NEK11: variants seen among roughly 807,000 people sequenced by gnomAD.
The protein encoded by NEK11 is NIMA related kinase 11, also known as serine/threonine-protein kinase Nek11.
A neutral mutation model predicts 80.7 loss-of-function variants in NEK11; 72 were observed. That is an observed-to-expected ratio of 0.89 (90% CI 0.74 to 1.08). The LOEUF is 1.08. Among genes scored for constraint, NEK11 ranks in the 50% least tolerant of loss-of-function variants. NEK11 has a pLI of 0.00. For synonymous variants in NEK11, 251 were observed against 260.7 expected, an observed-to-expected ratio of 0.96 and a Z score of 0.36; for missense variants, 764 against 763.6, an observed-to-expected ratio of 1.00 and a Z score of -0.01.
intron 17 of NEK11, among the ~76,000 whole-genome samples, chr3:131,347,914 T>C (rs1039873717): frequency 1.4e-5 from 2 of 145,582 alleles, no homozygotes; most frequent in Non-Finnish European, 3.0e-5. Context: ...AGAGACTTCA[T>C]CTCCAAAAAA....
At chr3:131,180,438 C>T (rs1307486790) in intron 14 of NEK11, among the ~76,000 whole-genome samples, 1 of 152,206 alleles carries the variant, frequency 6.6e-6, no homozygotes, top group Admixed American at 6.5e-5. Context: ...AATATATTGA[C>T]TTGTACCAAA....
intron 3 of NEK11, among the ~76,000 whole-genome samples, chr3:131,063,358 C>T (rs543291938): frequency 2.6e-5 from 4 of 152,276 alleles, no homozygotes; most frequent in African/African-American, 9.6e-5. Flanking sequence ...AACCCAAGCC[C>T]CTTACTCTGT....
At chr3:131,110,948 A>G (rs1388934991) in intron 5 of NEK11, among the ~76,000 whole-genome samples, 2 of 152,168 alleles carry the variant, frequency 1.3e-5, no homozygotes, top group South Asian at 2.1e-4. Context: ...TTAAAAGATT[A>G]TTTGACTTAA....
intron 14 of NEK11, among the ~76,000 whole-genome samples, chr3:131,176,565 A>T (rs911046833): frequency 6.6e-6 from 1 of 152,184 alleles, no homozygotes; most frequent in African/African-American, 2.4e-5. Flanking sequence ...AGATGTGCTG[A>T]TTCTCCACCC....
At chr3:131,265,301 A>G (rs2096026636) in intron 16 of NEK11, among the ~76,000 whole-genome samples, 1 of 152,310 alleles carries the variant, frequency 6.6e-6, no homozygotes, top group South Asian at 2.1e-4. Flanking sequence ...CCAGTTTTCA[A>G]AGGGAATGCT....
chr3:131,173,689 G>GT (rs1339280291), intron 14 of NEK11, among the ~76,000 whole-genome samples: 7 of 151,932 alleles, frequency 4.6e-5, no homozygotes, highest in African/African-American at 1.5e-4. Context: ...TCTTTGTCAT[G>GT]TGTCTCTTTG....
intron 17 of NEK11, among the ~76,000 whole-genome samples, chr3:131,308,258 T>C (rs1049252750): frequency 6.6e-6 from 1 of 152,340 alleles, no homozygotes; most frequent in Admixed American, 6.5e-5. Flanking sequence ...CATCAGTCTT[T>C]AGTAAGGGGT....
intron 14 of NEK11, among the ~76,000 whole-genome samples, chr3:131,208,872 G>T (rs1203396983): frequency 6.6e-6 from 1 of 152,144 alleles, no homozygotes; most frequent in Admixed American, 6.6e-5. Context: ...GGGCTGAGAC[G>T]ATGGGGTTTT....
At chr3:131,334,764 C>T (rs1348510954) in intron 17 of NEK11, among the ~76,000 whole-genome samples, 1 of 152,100 alleles carries the variant, frequency 6.6e-6, no homozygotes, top group African/African-American at 2.4e-5. Context: ...CAAATAGACA[C>T]AATACAAAAT....
At chr3:131,075,797 C>G (rs1340423504) in intron 3 of NEK11, among the ~76,000 whole-genome samples, 1 of 152,128 alleles carries the variant, frequency 6.6e-6, no homozygotes, top group African/African-American at 2.4e-5. Flanking sequence ...TTGCACTGAT[C>G]AGGACTCCCA....
intron 5 of NEK11, among the ~76,000 whole-genome samples, chr3:131,132,386 A>G (rs1487275612): frequency 6.6e-6 from 1 of 152,068 alleles, no homozygotes; most frequent in Non-Finnish European, 1.5e-5. Context: ...AAACTTGGAC[A>G]TTTGGGTAAT....
intron 17 of NEK11, among the ~76,000 whole-genome samples, chr3:131,307,511 C>G (rs890318233): frequency 6.6e-6 from 1 of 152,122 alleles, no homozygotes; most frequent in African/African-American, 2.4e-5. Context: ...TATTTAATCC[C>G]CTTTTACATA....
At chr3:131,081,601 G>A (rs759861205) in intron 4 of NEK11, among the ~76,000 whole-genome samples, 144 of 152,280 alleles carry the variant, frequency 9.5e-4, no homozygotes, top group African/African-American at 3.2e-3. Context: ...AGATGACTAC[G>A]CTCAAAAAGT....
chr3:131,121,023 C>T (rs1560505738), intron 5 of NEK11, among the ~76,000 whole-genome samples: 2 of 152,228 alleles, frequency 1.3e-5, no homozygotes, highest in Non-Finnish European at 2.9e-5. Context: ...TGTTCCGTTG[C>T]TAGCGAGGAG....
chr3:131,151,873 C>T lies in NEK11; in HGVS notation c.648-515C>T, dbSNP rs114207817. Among the ~76,000 whole-genome samples, 729 of 152,206 alleles carry T rather than the reference C, an allele frequency of 4.8e-3. 10 individuals carry two copies. The highest frequency in any genetic ancestry group is 0.016 in the African/African-American group (685 of 41,548). On this transcript the variant is annotated intron_variant, in intron 7 of 17. Coordinates refer to ENST00000383366, the MANE Select transcript of NEK11 (RefSeq NM_024800.5). ...TTAATGTGGGCTTCAAGTAGCTGCTCTTCCACTCCACTTGCAAATGGATTA... is the reference window on the plus strand; with the variant it reads ...TTAATGTGGGCTTCAAGTAGCTGCTTTTCCACTCCACTTGCAAATGGATTA...
chr3:131,217,035 G>A (rs1316648649), intron 14 of NEK11, among the ~76,000 whole-genome samples: 1 of 152,094 alleles, frequency 6.6e-6, no homozygotes, highest in African/African-American at 2.4e-5. Context: ...CCCTCTCTAT[G>A]ACTTCTGAGC....
At chr3:131,289,338 A>G (rs2096518329) in intron 17 of NEK11, among the ~76,000 whole-genome samples, 1 of 152,234 alleles carries the variant, frequency 6.6e-6, no homozygotes, top group Non-Finnish European at 1.5e-5. Context: ...CCTGGTCTAC[A>G]AATATACAAA....
At chr3:131,037,955 A>G (rs1487111665) in intron 3 of NEK11, among the ~76,000 whole-genome samples, 1 of 152,142 alleles carries the variant, frequency 6.6e-6, no homozygotes, top group African/African-American at 2.4e-5. Flanking sequence ...TTAATTTAAT[A>G]GGATTCAGTG....
chr3:131,304,745 G>C (rs927831635), intron 17 of NEK11, among the ~76,000 whole-genome samples: 4 of 152,124 alleles, frequency 2.6e-5, no homozygotes, highest in African/African-American at 4.8e-5. Flanking sequence ...CTGCACTAGG[G>C]GGGTGTTGAG....
Sources: allele counts gnomAD v4.1 joint callset (sites outside exome capture counted in the v4.1 genomes callset), GRCh38; gene constraint gnomAD v4.1.1; transcripts MANE v1.5; gene names NCBI Gene and HGNC (gene_info 2026-07-23, HGNC 2026-07-21).